AGFG1: variants seen among roughly 807,000 people sequenced by gnomAD.
AGFG1 encodes ArfGAP with FG repeats 1.
A neutral mutation model predicts 60.6 loss-of-function variants in AGFG1; 10 were observed. The observed-to-expected ratio is 0.16, with a 90% CI of 0.10 to 0.28. The LOEUF is 0.28. Ranked by LOEUF, AGFG1 falls within the 10% of genes least tolerant of loss-of-function variation. AGFG1 has a pLI of 1.00. For missense variants in AGFG1, 537 were observed against 676.5 expected (o/e 0.79, Z 2.29); for synonymous variants, 247 against 242.9 (o/e 1.02, Z -0.16).
At chr2:227,552,833 C>G (rs940720577) in intron 11 of AGFG1, among the ~76,000 whole-genome samples, 3 of 151,510 alleles carry the variant, frequency 2.0e-5, no homozygotes, top group Non-Finnish European at 4.4e-5. Context: ...GAAACCCCGT[C>G]TCTACTAAAA....
At chr2:227,504,272 A>T (rs886967332) in intron 2 of AGFG1, among the ~76,000 whole-genome samples, 4 of 150,710 alleles carry the variant, frequency 2.7e-5, no homozygotes, top group Middle Eastern at 3.4e-3. Context: ...GGCTTACTGC[A>T]GCCTTGACTT....
At chr2:227,508,858 G>C (rs993154016) in intron 2 of AGFG1, among the ~76,000 whole-genome samples, 1 of 152,142 alleles carries the variant, frequency 6.6e-6, no homozygotes. Flanking sequence ...ATTAGATCCT[G>C]AGATATACTG....
Position 227,533,859 on chromosome 2 carries a change from G to T in AGFG1, c.1024+101G>T. The T allele has an allele frequency of 3.5e-6, 4 of 1,139,520 alleles. No individual in the cohort carries two copies. The South Asian group carries it at 4.7e-5, about 13-fold the overall frequency. 70.6% of individuals were successfully genotyped at this position (1,139,520 alleles called of 1,614,324 possible). A position where few individuals can be genotyped will look rare whatever the true frequency, so the allele number is the denominator to read the frequency against. ...TGAACATGCTACACTTTTCTCAGTTGTTGTATAGAAATTTTGTCTGCACTG... is the reference window on the plus strand; with the variant it reads ...TGAACATGCTACACTTTTCTCAGTTTTTGTATAGAAATTTTGTCTGCACTG... On this transcript the variant is annotated intron_variant, in intron 7 of 12. Transcript: ENST00000310078.
At position 227,484,677 on chromosome 2, in the gene AGFG1, GTTTTTTTTTTGTTTTT is replaced by G. The variant is rs1690567738; in HGVS notation, c.168-6859_168-6844del. Among the ~76,000 whole-genome samples, 29 of 115,898 alleles carry G rather than the reference GTTTTTTTTTTGTTTTT, an allele frequency of 2.5e-4. 1 individual carries two copies. Among genetic ancestry groups the G allele is most frequent in the African/African-American group, 7.7e-4 (23 of 29,958 alleles). 76.0% of individuals were successfully genotyped at this position (115,898 alleles called of 152,430 possible). A position where few individuals can be genotyped will look rare whatever the true frequency, so the allele number is the denominator to read the frequency against. On this transcript the variant is annotated intron_variant, in intron 1 of 12. Transcript: ENST00000310078. ...AAGCTTCTTTAATGAAGATCTCTTA[GTTTTTTTTTTGTTTTT>G]TTTTTTTTTTTTTTTTTTTTTTTTT... is the stretch of plus-strand genomic sequence containing the variant.
Position 227,524,829 on chromosome 2 carries a change from T to G in AGFG1, c.608T>G (p.Leu203Arg). 1.2e-6 allele frequency: 2 copies of G among 1,614,190 alleles called. No individual in the cohort carries two copies. Among genetic ancestry groups the G allele is most frequent in the Non-Finnish European group, 1.7e-6 (2 of 1,180,006 alleles). ...AAGCAATTTGACCTTTTAAGTGATC[T>G]CGGCTCAGACATCTTTGCTGCTCCA... ...EKKQFDLLSD[L>R]GSDIFAAPAP... The change falls in exon 5 of 13, where the codon CTC becomes CGC. Residue 203 changes from leucine to arginine, a missense_variant. Leu to Arg is a moderately radical substitution (Grantham distance 102, BLOSUM62 -2). Transcript: ENST00000310078.
Position 227,534,056 on chromosome 2 carries a change from C to G in AGFG1, c.1024+298C>G, listed in dbSNP as rs79864216. Among the ~76,000 whole-genome samples, 588 of 152,114 alleles carry G rather than the reference C, an allele frequency of 3.9e-3. 3 individuals carry two copies. The highest frequency in any genetic ancestry group is 6.5e-3 in the Non-Finnish European group (444 of 67,994). ...TTTGGCTATAAAGAGCCAAGAAACC[C>G]CATTGGCAGAGCTGAATGGAGGATT... On this transcript the variant is annotated intron_variant, in intron 7 of 12. Transcript: ENST00000310078.
At chr2:227,532,217 C>A in intron 6 of AGFG1, 3 of 1,541,792 alleles carry the variant, frequency 1.9e-6, no homozygotes, top group Non-Finnish European at 2.6e-6. Context: ...ACAGTAAGTT[C>A]TGTTGTCAAG....
chr2:227,485,960 T>G (rs1300528458), intron 1 of AGFG1, among the ~76,000 whole-genome samples: 1 of 152,240 alleles, frequency 6.6e-6, no homozygotes, highest in East Asian at 1.9e-4. Flanking sequence ...TAATTTTTAC[T>G]GCAGCCTCAT....
chr2:227,515,898 A>G (rs146641715), intron 2 of AGFG1, among the ~76,000 whole-genome samples: 3 of 152,278 alleles, frequency 2.0e-5, no homozygotes, highest in Non-Finnish European at 4.4e-5. Context: ...GCAGAATGCA[A>G]CCTTTCAGGG....
At chr2:227,493,428 G>C (rs1035818874) in intron 2 of AGFG1, among the ~76,000 whole-genome samples, 1 of 152,050 alleles carries the variant, frequency 6.6e-6, no homozygotes, top group African/African-American at 2.4e-5. Flanking sequence ...TTCTGTGATT[G>C]GCATATTTAG....
At chr2:227,524,978 T>G (rs1247839471) in intron 5 of AGFG1, 63 bp downstream of exon 5, 1 of 1,570,918 alleles carries the variant, frequency 6.4e-7, no homozygotes, top group East Asian at 2.2e-5. Flanking sequence ...AAACATCAAT[T>G]CTTTATCACA....
intron 1 of AGFG1, among the ~76,000 whole-genome samples, chr2:227,484,677 G>GTTTTTTT (rs34405103): frequency 2.6e-5 from 3 of 115,904 alleles, no homozygotes; most frequent in Non-Finnish European, 3.5e-5. Context: ...AGATCTCTTA[G>GTTTTTTT]TTTTTTTTTT....
intron 2 of AGFG1, among the ~76,000 whole-genome samples, chr2:227,508,981 A>G (rs1185303001): frequency 2.6e-5 from 4 of 152,192 alleles, no homozygotes; most frequent in Non-Finnish European, 4.4e-5. Context: ...GTTACCTGAC[A>G]TGATACACCA....
chr2:227,522,257 AGTAAAAATATG>A, intron 3 of AGFG1, among the ~76,000 whole-genome samples: 1 of 152,370 alleles, frequency 6.6e-6, no homozygotes, highest in Non-Finnish European at 1.5e-5. Flanking sequence ...GTGGGTTGAT[AGTAAAAATATG>A]GTAGCATATT....
At chr2:227,549,522 T>G (rs1407143239) in intron 10 of AGFG1, among the ~76,000 whole-genome samples, 3 of 152,256 alleles carry the variant, frequency 2.0e-5, no homozygotes, top group Admixed American at 2.0e-4. Context: ...ACCGCTTACC[T>G]TTCTCTTGAA....
intron 2 of AGFG1, among the ~76,000 whole-genome samples, chr2:227,492,920 A>T (rs1690862047): frequency 6.6e-6 from 1 of 152,172 alleles, no homozygotes; most frequent in Admixed American, 6.5e-5. Context: ...TTAACATTGC[A>T]CACTTGAAGT....
chr2:227,545,465 T>C (rs183115467), intron 10 of AGFG1, among the ~76,000 whole-genome samples: 1 of 152,182 alleles, frequency 6.6e-6, no homozygotes, highest in Non-Finnish European at 1.5e-5. Context: ...CTTCTGTCAG[T>C]TCGTCTAAAG....
At position 227,533,639 on chromosome 2, in the gene AGFG1, C is replaced by A. The variant is rs188342400; in HGVS notation, c.905C>A (p.Ser302Tyr). 4 of 1,613,842 alleles carry A rather than the reference C, an allele frequency of 2.5e-6. No individual in the cohort carries two copies. Among genetic ancestry groups the A allele is most frequent in the Non-Finnish European group, 3.4e-6 (4 of 1,179,818 alleles). Residue 302 changes from serine to tyrosine, a missense_variant, in exon 7 of 13, where the codon TCC becomes TAC. This residue lies in a region of AGFG1 where 287 missense variants were observed against 343.6 expected (regional missense o/e 0.84). Coordinates refer to ENST00000310078, the MANE Select transcript of AGFG1 (RefSeq NM_004504.5). Reference sequence around the variant, plus strand: ...GCTGATTTTGGAACCTTCAATACTTCCCAGAGTCATCAAACAGCATCAGCT... The same window carrying A: ...GCTGATTTTGGAACCTTCAATACTTACCAGAGTCATCAAACAGCATCAGCT... Reference protein sequence around the residue: ...SSADFGTFNTSQSHQTASAVS... With the variant: ...SSADFGTFNTYQSHQTASAVS...
chr2:227,522,685 G>A (rs1350063318), intron 3 of AGFG1, among the ~76,000 whole-genome samples: 1 of 152,168 alleles, frequency 6.6e-6, no homozygotes, highest in African/African-American at 2.4e-5. Flanking sequence ...TGGAACAGGT[G>A]CTCTTAAGCA....
Sources: allele counts gnomAD v4.1 joint callset (sites outside exome capture counted in the v4.1 genomes callset), GRCh38; gene constraint gnomAD v4.1.1; regional missense constraint gnomAD v4.1.1; transcripts MANE v1.5; gene names NCBI Gene and HGNC (gene_info 2026-07-23, HGNC 2026-07-21).